Variants in PCDHGA3 observed in about 807,000 individuals in gnomAD.
The protein encoded by PCDHGA3 is protocadherin gamma subfamily A, 3, also known as protocadherin gamma-A3.
A neutral mutation model predicts 58.5 loss-of-function variants in PCDHGA3; 40 were observed. That is an observed-to-expected ratio of 0.68 (90% CI 0.53 to 0.89). PCDHGA3 has a LOEUF of 0.89. PCDHGA3 is among the 40% of genes least tolerant of loss of function. PCDHGA3 has a pLI of 0.00. For synonymous variants in PCDHGA3, 530 were observed against 525.7 expected, an observed-to-expected ratio of 1.01 and a Z score of -0.11; for missense variants, 1,223 against 1,195.9, an observed-to-expected ratio of 1.02 and a Z score of -0.33.
At chr5:141,415,293 C>T in intron 1 of PCDHGA3, 1 of 1,614,192 alleles carries the variant, frequency 6.2e-7, no homozygotes, top group Non-Finnish European at 8.5e-7. Flanking sequence ...CGGTCTCCTG[C>T]GTCTTCCTGG....
intron 1 of PCDHGA3, chr5:141,409,634 G>GGA (rs766487639): frequency 1.2e-6 from 2 of 1,613,720 alleles, no homozygotes; most frequent in African/African-American, 2.7e-5. Flanking sequence ...GAGCGCCTCT[G>GGA]ACCCGGATTT....
intron 1 of PCDHGA3, chr5:141,383,889 G>A (rs1206410102): frequency 3.1e-6 from 5 of 1,613,938 alleles, no homozygotes; most frequent in Non-Finnish European, 4.2e-6. Context: ...GTCTGACAAA[G>A]GCAAAAGTAC....
intron 1 of PCDHGA3, chr5:141,409,600 G>T (rs778681839): frequency 6.8e-6 from 11 of 1,613,882 alleles, no homozygotes; most frequent in Admixed American, 1.7e-5. Flanking sequence ...AGAACAACCC[G>T]CCAGGAGCCT....
chr5:141,393,577 T>C (rs781192019), intron 1 of PCDHGA3: 1 of 1,613,890 alleles, frequency 6.2e-7, no homozygotes, highest in Admixed American at 1.7e-5. Flanking sequence ...CTTGAGAACA[T>C]GCCCCCAGGC....
chr5:141,420,934 C>A (rs2096533899), intron 1 of PCDHGA3: 2 of 377,936 alleles, frequency 5.3e-6, no homozygotes, highest in South Asian at 5.3e-5. Flanking sequence ...TGAGCGTAAT[C>A]ATTTCTTCTG....
At chr5:141,478,460 C>G (rs759992881) in intron 1 of PCDHGA3, 1 of 1,613,344 alleles carries the variant, frequency 6.2e-7, no homozygotes, top group East Asian at 2.2e-5. Flanking sequence ...AGCCAGTCCA[C>G]TGGCCAGCCG....
At chr5:141,422,850 G>T (rs184432819) in intron 1 of PCDHGA3, 7 of 1,614,086 alleles carry the variant, frequency 4.3e-6, no homozygotes, top group Non-Finnish European at 5.9e-6. Context: ...GCGGGGACCC[G>T]CCCCTCAGCA....
intron 1 of PCDHGA3, chr5:141,400,310 G>C: frequency 6.2e-7 from 1 of 1,614,084 alleles, no homozygotes; most frequent in African/African-American, 1.3e-5. Context: ...CCTGGTCTCT[G>C]TGTCAAGTCT....
At position 141,477,761 on chromosome 5, in the gene PCDHGA3, AC is replaced by A. The variant is rs754006143; in HGVS notation, c.2425-17044del. ...CGATGGGGGCACCCCGGTCCTAGCC[AC>A]CAACATCAGCGTGAACATATTTGTC... On this transcript the variant is annotated intron_variant, in intron 1 of 3. Coordinates refer to ENST00000253812, the MANE Select transcript of PCDHGA3 (RefSeq NM_018916.4). This position sits in a 1 kb window ranked among gnomAD's most constrained non-coding sequence, Gnocchi z 4.9. 5 of 1,613,854 alleles carry A rather than the reference AC, an allele frequency of 3.1e-6. No homozygotes were observed. Among genetic ancestry groups the A allele is most frequent in the Non-Finnish European group, 4.2e-6 (5 of 1,180,044 alleles).
chr5:141,375,612 A>AC (rs1771652841), intron 1 of PCDHGA3: 1 of 1,614,014 alleles, frequency 6.2e-7, no homozygotes. Flanking sequence ...ATCAACTCCG[A>AC]CACTGGGATT....
intron 1 of PCDHGA3, chr5:141,383,993 T>C: frequency 2.5e-6 from 4 of 1,613,872 alleles, no homozygotes; most frequent in Non-Finnish European, 3.4e-6. Context: ...CTTGGGACAG[T>C]CATTGCTCTT....
chr5:141,420,840 T>A (rs2096528017), intron 1 of PCDHGA3, among the ~76,000 whole-genome samples: 1 of 152,250 alleles, frequency 6.6e-6, no homozygotes, highest in African/African-American at 2.4e-5. Flanking sequence ...TCGCAGGTGT[T>A]CTTGGTAAAG....
chr5:141,365,576 T>G, intron 1 of PCDHGA3: 1 of 1,613,666 alleles, frequency 6.2e-7, no homozygotes, highest in Non-Finnish European at 8.5e-7. Flanking sequence ...AGAAGAGACT[T>G]CAGATTATAA....
intron 1 of PCDHGA3, among the ~76,000 whole-genome samples, chr5:141,445,553 A>T (rs948468877): frequency 1.3e-5 from 2 of 152,252 alleles, no homozygotes; most frequent in Non-Finnish European, 1.5e-5. Context: ...ATACAAAAGC[A>T]CTAAGAGAAA....
chr5:141,355,193 G>C lies in PCDHGA3; in HGVS notation c.2424+8736G>C, dbSNP rs1759749464. The C allele has an allele frequency of 3.2e-5, 51 of 1,594,318 alleles. No homozygotes were observed. In the East Asian group the frequency reaches 1.1e-3, roughly 36 times the overall value. On this transcript the variant is annotated intron_variant, in intron 1 of 3. Transcript: ENST00000253812. ...CCGAAGCACAGGCGACTCCGCGGCG[G>C]GGTTGTAATGGCGGCGCCTCCTGCT... is the stretch of plus-strand genomic sequence containing the variant.
At chr5:141,393,143 T>G in intron 1 of PCDHGA3, 1 of 1,613,290 alleles carries the variant, frequency 6.2e-7, no homozygotes, top group Non-Finnish European at 8.5e-7. Context: ...ACACCCTGGT[T>G]GAGGATAAAG....
chr5:141,368,992 C>T (rs1228600699), intron 1 of PCDHGA3, among the ~76,000 whole-genome samples: 4 of 152,202 alleles, frequency 2.6e-5, no homozygotes, highest in South Asian at 2.1e-4. Context: ...AAGGTGAATT[C>T]GGTGTGGAAC....
chr5:141,491,571 C>CT lies in PCDHGA3; in HGVS notation c.2425-3232dup. On this transcript the variant is annotated intron_variant, in intron 1 of 3. Coordinates refer to ENST00000253812, the MANE Select transcript of PCDHGA3 (RefSeq NM_018916.4). The surrounding 1 kb of genome is among the most constrained non-coding windows in gnomAD (Gnocchi z 6.9). ...CGCAGAGCCACTGCTACAGGACGTG[C>CT]TTTTCACCGGCCTCGGACGGCAGTG... 6.2e-7 allele frequency: 1 copy of CT among 1,614,026 alleles called. No homozygotes were observed. Among genetic ancestry groups the CT allele is most frequent in the Non-Finnish European group, 8.5e-7 (1 of 1,180,042 alleles).
intron 1 of PCDHGA3, chr5:141,423,658 CA>C: frequency 6.4e-7 from 1 of 1,571,150 alleles, no homozygotes; most frequent in Non-Finnish European, 8.6e-7. Flanking sequence ...GACAAGTAAT[CA>C]GGTGAGATTT....
Sources: allele counts gnomAD v4.1 joint callset (sites outside exome capture counted in the v4.1 genomes callset), GRCh38; gene constraint gnomAD v4.1.1; non-coding constraint Gnocchi (gnomAD v3.1); transcripts MANE v1.5; gene names NCBI Gene and HGNC (gene_info 2026-07-23, HGNC 2026-07-21).